The following SLC44A5 variants were observed in gnomAD, a reference collection of about 807,000 sequenced individuals.
SLC44A5 encodes choline transporter-like protein 5.
Under a neutral mutation model 101.8 loss-of-function variants are expected in SLC44A5, and 57 were observed. The ratio of observed to expected loss-of-function variants is 0.56; its 90% confidence interval spans 0.45 to 0.70. SLC44A5 has a LOEUF of 0.70. SLC44A5 is among the 30% of genes least tolerant of loss of function. The pLI, the probability that SLC44A5 is intolerant of heterozygous loss-of-function variation, is 0.00. For missense variants in SLC44A5, 737 were observed against 853.1 expected, an observed-to-expected ratio of 0.86 and a Z score of 1.70; for synonymous variants, 281 against 290.9, an observed-to-expected ratio of 0.97 and a Z score of 0.35.
intron 1 of SLC44A5, among the ~76,000 whole-genome samples, chr1:75,605,624 A>G (rs912268953): frequency 6.6e-6 from 1 of 152,106 alleles, no homozygotes; most frequent in East Asian, 1.9e-4. Flanking sequence ...TTTCACCATG[A>G]CTTTAATGTT....
Position 75,268,125 on chromosome 1 carries a change from A to G in SLC44A5, c.260+6833T>C, listed in dbSNP as rs148300137. 2.9e-3 allele frequency among the ~76,000 whole-genome samples: 436 copies of G among 152,002 alleles called. 1 individual carries two copies. The highest frequency in any genetic ancestry group is 0.01 in the African/African-American group (422 of 41,508). On this transcript the variant is annotated intron_variant, in intron 6 of 23. Transcript: ENST00000370859. ...TTCTCAGACATCTCCTCATTCCACC[A>G]CCCTCTTTATCGGCTACGTTTTGGC...
intron 3 of SLC44A5, among the ~76,000 whole-genome samples, chr1:75,395,570 T>A (rs1196736622): frequency 1.3e-5 from 2 of 152,130 alleles, no homozygotes; most frequent in Non-Finnish European, 2.9e-5. Flanking sequence ...TCTAAGTAGG[T>A]AAAATTAAAG....
chr1:75,563,475 G>T (rs1264406705), intron 1 of SLC44A5, among the ~76,000 whole-genome samples: 1 of 151,194 alleles, frequency 6.6e-6, no homozygotes, highest in African/African-American at 2.4e-5. Flanking sequence ...ATTTTCTACT[G>T]TATCATCCCA....
At chr1:75,659,780 T>A in the SLC44A5 span, among the ~76,000 whole-genome samples, 1 of 151,552 alleles carries the variant, frequency 6.6e-6, no homozygotes, top group African/African-American at 2.4e-5. Context: ...AAAAGAAAAC[T>A]ACAGACCAAT....
chr1:75,385,892 G>A (rs1661301877), intron 3 of SLC44A5, among the ~76,000 whole-genome samples: 1 of 152,076 alleles, frequency 6.6e-6, no homozygotes, highest in African/African-American at 2.4e-5. Flanking sequence ...TGGGATGCAA[G>A]GCTGGTTCAA....
In SLC44A5 at chr1:75,218,577, C is replaced by A; in HGVS notation, c.1442G>T (p.Gly481Val). Residue 481 changes from glycine (G) to valine (V), a missense_variant, in exon 17 of 24, where the codon GGT (glycine) becomes GTT (valine). This residue lies in a region of SLC44A5 where 665 missense variants were observed against 764.4 expected (regional missense o/e 0.87). Transcript: ENST00000370859. ...GGCCCAGTAATAAGTAGCGAATGCACCAGCAAGGGCGCACTGACCTAATGC... is the reference window on the plus strand; with the variant it reads ...GGCCCAGTAATAAGTAGCGAATGCAACAGCAAGGGCGCACTGACCTAATGC... ...VIALGQCALAGAFATYYWAMK... is the reference protein window; with the variant it reads ...VIALGQCALAVAFATYYWAMK... The A allele has an allele frequency of 6.2e-7, 1 of 1,613,744 alleles. No individual in the cohort carries two copies. The highest frequency in any genetic ancestry group is 8.5e-7 in the Non-Finnish European group (1 of 1,179,792).
intron 3 of SLC44A5, among the ~76,000 whole-genome samples, chr1:75,356,523 A>G (rs529097505): frequency 1.3e-5 from 2 of 152,184 alleles, no homozygotes; most frequent in South Asian, 4.1e-4. Context: ...ACAAGACTCA[A>G]AAAGCTTAAA....
chr1:75,616,228 T>C, the SLC44A5 span, among the ~76,000 whole-genome samples: 2 of 150,952 alleles, frequency 1.3e-5, no homozygotes, highest in African/African-American at 4.9e-5. Flanking sequence ...CTCCCCCTTC[T>C]CCACACCCTC....
chr1:75,653,960 T>C, the SLC44A5 span, among the ~76,000 whole-genome samples: 4 of 152,196 alleles, frequency 2.6e-5, no homozygotes, highest in Admixed American at 2.0e-4. Context: ...TTATTTGTAA[T>C]TGTAACCCAA....
At chr1:75,479,218 A>G (rs963999770) in intron 2 of SLC44A5, among the ~76,000 whole-genome samples, 21 of 152,252 alleles carry the variant, frequency 1.4e-4, no homozygotes, top group South Asian at 2.1e-4. Context: ...ACAAAGACAC[A>G]ACATACCAGA....
the SLC44A5 span, among the ~76,000 whole-genome samples, chr1:75,647,597 T>C: frequency 6.6e-6 from 1 of 152,146 alleles, no homozygotes; most frequent in African/African-American, 2.4e-5. Flanking sequence ...GGCTGTACCA[T>C]GCAAAGCCAC....
upstream of SLC44A5, among the ~76,000 whole-genome samples, chr1:75,612,904 T>C (rs977693771): frequency 5.9e-5 from 9 of 152,230 alleles, no homozygotes; most frequent in Non-Finnish European, 1.2e-4. Context: ...TAGCATTTTT[T>C]CGTTAAAAAC....
rs1200839245 is a variant in SLC44A5, at chr1:75,202,917, T to G, written c.*810A>C. 1 of 151,892 alleles carries G rather than the reference T, an allele frequency of 6.6e-6. No homozygotes were observed. Among genetic ancestry groups the G allele is most frequent in the Non-Finnish European group, 1.5e-5 (1 of 67,958 alleles). The allele number at this position is 151,892 out of a possible 1,614,324, so 9.4% of individuals were successfully genotyped here. On this transcript the variant is annotated 3_prime_UTR_variant, in exon 24 of 24. Coordinates refer to ENST00000370859, the MANE Select transcript of SLC44A5 (RefSeq NM_001130058.2). Reference sequence around the variant, plus strand: ...CTTTCGGGGTTTGTTTCTTCTTGCGTGTAGTACACATTCATGAATGTCCAC... The same window carrying G: ...CTTTCGGGGTTTGTTTCTTCTTGCGGGTAGTACACATTCATGAATGTCCAC...
At chr1:75,597,466 C>A (rs543321053) in intron 1 of SLC44A5, among the ~76,000 whole-genome samples, 2 of 151,824 alleles carry the variant, frequency 1.3e-5, no homozygotes, top group South Asian at 2.1e-4. Flanking sequence ...TCATATAGAA[C>A]CAAAAAAGAG....
At chr1:75,355,075 G>T (rs1228172292) in intron 3 of SLC44A5, among the ~76,000 whole-genome samples, 1 of 152,168 alleles carries the variant, frequency 6.6e-6, no homozygotes, top group East Asian at 1.9e-4. Context: ...GGTAAGATGT[G>T]CTTATTTATT....
At chr1:75,509,894 G>A (rs1443021911) in intron 2 of SLC44A5, among the ~76,000 whole-genome samples, 4 of 152,234 alleles carry the variant, frequency 2.6e-5, no homozygotes, top group South Asian at 2.1e-4. Flanking sequence ...AAACATACCC[G>A]AGACTGGGTA....
At chr1:75,496,644 T>A (rs1570450492) in intron 2 of SLC44A5, among the ~76,000 whole-genome samples, 2 of 147,590 alleles carry the variant, frequency 1.4e-5, no homozygotes, top group Non-Finnish European at 1.5e-5. Context: ...GACTACATCA[T>A]GCTAAAAACA....
At chr1:75,497,466 A>G (rs1379834043) in intron 2 of SLC44A5, among the ~76,000 whole-genome samples, 4 of 152,094 alleles carry the variant, frequency 2.6e-5, no homozygotes, top group African/African-American at 9.7e-5. Flanking sequence ...TACAATGGTG[A>G]TTTCCTGGAG....
chr1:75,213,776 A>C lies in SLC44A5; in HGVS notation c.1891T>G (p.Phe631Val), dbSNP rs763007801. The C allele has an allele frequency of 1.2e-6, 2 of 1,612,210 alleles. No homozygotes were observed. Among genetic ancestry groups the C allele is most frequent in the Admixed American group, 1.7e-5 (1 of 59,902 alleles). Reference protein sequence around the residue: ...AGSIGVLAFLFFTQRLPVIAQ... With the variant: ...AGSIGVLAFLVFTQRLPVIAQ... ...ATCACTGGCAGTCTTTGTGTGAAGA[A>C]TAGGAAGGCCAGAACACCTACATTG... The change falls in exon 22 of 24, where the codon TTC (phenylalanine) becomes GTC (valine). Residue 631 changes from phenylalanine (F) to valine (V), a missense_variant. This residue lies in a region of SLC44A5 where 665 missense variants were observed against 764.4 expected (regional missense o/e 0.87). Coordinates refer to ENST00000370859, the MANE Select transcript of SLC44A5 (RefSeq NM_001130058.2).
Sources: gnomAD v4.1 joint callset for allele counts (sites outside exome capture counted in the v4.1 genomes callset) on GRCh38, gnomAD v4.1.1 for gene constraint, gnomAD v4.1.1 regional missense constraint, MANE v1.5 for transcripts, NCBI Gene and HGNC (gene_info 2026-07-23, HGNC 2026-07-21) for gene names.